HIPK2: variants seen among roughly 807,000 people sequenced by gnomAD.
The protein encoded by HIPK2 is homeodomain-interacting protein kinase 2.
A neutral mutation model predicts 113.7 loss-of-function variants in HIPK2; 27 were observed. That is an observed-to-expected ratio of 0.24 (90% CI 0.17 to 0.33). HIPK2 has a LOEUF of 0.33. Among genes scored for constraint, HIPK2 ranks in the 10% least tolerant of loss-of-function variants. The pLI is 1.00. For missense variants in HIPK2, 1,257 were observed against 1,588.0 expected (o/e 0.79, Z 3.54); for synonymous variants, 631 against 642.2 (o/e 0.98, Z 0.26).
chr7:139,721,112 C>T (rs1795394694), intron 1 of HIPK2, among the ~76,000 whole-genome samples: 1 of 152,356 alleles, frequency 6.6e-6, no homozygotes, highest in South Asian at 2.1e-4. Flanking sequence ...GTGGCCCCTG[C>T]TGCCCCTTTA....
At chr7:139,597,228 AG>A (rs1799254593) in intron 11 of HIPK2, among the ~76,000 whole-genome samples, 1 of 152,194 alleles carries the variant, frequency 6.6e-6, no homozygotes, top group Admixed American at 6.5e-5. Context: ...AGCAGGACAA[AG>A]GGAGCAGCCA....
At chr7:139,713,264 G>A (rs1795123827) in intron 2 of HIPK2, among the ~76,000 whole-genome samples, 1 of 152,132 alleles carries the variant, frequency 6.6e-6, no homozygotes, top group African/African-American at 2.4e-5. Flanking sequence ...CACAGAGGGG[G>A]GCAGGAGAGG....
At chr7:139,576,321 A>G (rs1191262963) in intron 13 of HIPK2, among the ~76,000 whole-genome samples, 1 of 152,226 alleles carries the variant, frequency 6.6e-6, no homozygotes, top group Non-Finnish European at 1.5e-5. Context: ...AGGTGGCTCC[A>G]TCAACAGTTC....
chr7:139,775,123 T>C (rs1023615671), intron 1 of HIPK2, among the ~76,000 whole-genome samples: 3 of 152,158 alleles, frequency 2.0e-5, no homozygotes, highest in African/African-American at 7.2e-5. Context: ...CTGAGAAGAA[T>C]CATGCACACT....
At position 139,630,816 on chromosome 7, in the gene HIPK2, C is replaced by A. The variant is rs753227865; in HGVS notation, c.1347+349G>T. ...TTGACCAGGAACAGGGCCCTTACTA[C>A]AGTGGGCGGGAGCTTGTGGCACATG... On this transcript the variant is annotated intron_variant, in intron 4 of 14. Coordinates refer to ENST00000406875, the MANE Select transcript of HIPK2 (RefSeq NM_022740.5). The surrounding 1 kb of genome is among the most constrained non-coding windows in gnomAD (Gnocchi z 4.0). Among the ~76,000 whole-genome samples the A allele has an allele frequency of 1.3e-5, 2 of 152,346 alleles. No homozygotes were observed. Among genetic ancestry groups the A allele is most frequent in the South Asian group, 4.1e-4 (2 of 4,826 alleles).
intron 2 of HIPK2, among the ~76,000 whole-genome samples, chr7:139,681,901 C>T (rs1395698930): frequency 3.9e-5 from 6 of 152,162 alleles, no homozygotes; most frequent in Non-Finnish European, 8.8e-5. Flanking sequence ...ACAGCATCTC[C>T]CCTGGTGCTG....
At chr7:139,655,610 A>G (rs899259462) in intron 2 of HIPK2, among the ~76,000 whole-genome samples, 10 of 152,168 alleles carry the variant, frequency 6.6e-5, no homozygotes, top group East Asian at 1.9e-4. Flanking sequence ...TAAGGTGGCA[A>G]TGCTTGTCCC....
chr7:139,593,787 G>C (rs144042805), intron 12 of HIPK2, among the ~76,000 whole-genome samples: 1 of 152,208 alleles, frequency 6.6e-6, no homozygotes, highest in African/African-American at 2.4e-5. Flanking sequence ...AATCAGGCTC[G>C]AGAACAAGGA....
intron 2 of HIPK2, among the ~76,000 whole-genome samples, chr7:139,695,349 T>C (rs1363138707): frequency 6.6e-6 from 1 of 152,158 alleles, no homozygotes; most frequent in Non-Finnish European, 1.5e-5. Flanking sequence ...GCACGACTAC[T>C]GTGTGGCCCG....
intron 2 of HIPK2, among the ~76,000 whole-genome samples, chr7:139,656,193 T>C (rs1029284244): frequency 6.6e-6 from 1 of 152,092 alleles, no homozygotes; most frequent in South Asian, 2.1e-4. Context: ...GGCAGATGCA[T>C]TCCCAGCCCC....
rs200945053 is a variant in HIPK2 at position 139,600,547 on chromosome 7, C to T, written c.2305G>A (p.Ala769Thr). 7 of 1,613,862 alleles carry T rather than the reference C, an allele frequency of 4.3e-6. No homozygotes were observed. The highest frequency in any genetic ancestry group is 2.2e-5 in the East Asian group (1 of 44,888). Residue 769 changes from alanine (A) to threonine (T), a missense_variant, in exon 11 of 15, where the codon GCA becomes ACA. Physicochemically the swap from Ala to Thr is moderately conservative, Grantham distance 58. This residue lies in a region of HIPK2 where 862 missense variants were observed against 1,004.3 expected (regional missense o/e 0.86). Transcript: ENST00000406875. ...SHYNPIMQQP[A>T]LLTGHVTLPA... ...AGGGTCACATGACCGGTCAATAGTG[C>T]AGGCTGCTGCATGATGGGATTATAA...
chr7:139,672,245 T>C (rs938470963), intron 2 of HIPK2, among the ~76,000 whole-genome samples: 1 of 152,240 alleles, frequency 6.6e-6, no homozygotes, highest in African/African-American at 2.4e-5. Context: ...ATAAGTAGAA[T>C]TGATTAGCTA....
Position 139,626,759 on chromosome 7 carries a change from C to G in HIPK2, c.1461G>C (p.Gly487=). ...CAGCCTTTTCTACCAACATGTCGCT[C>G]CCTTCCAAATCTGTCGTCATGTTCA... ...AQVNMTTDLE[G]SDMLVEKADR... Residue 487 remains glycine (G), a synonymous_variant, in exon 6 of 15, where the codon GGG becomes GGC. Coordinates refer to ENST00000406875, the MANE Select transcript of HIPK2 (RefSeq NM_022740.5). 1 of 1,614,006 alleles carries G rather than the reference C, an allele frequency of 6.2e-7. No homozygotes were observed. Among genetic ancestry groups the G allele is most frequent in the Non-Finnish European group, 8.5e-7 (1 of 1,179,898 alleles).
intron 2 of HIPK2, among the ~76,000 whole-genome samples, chr7:139,642,412 A>G (rs1007369957): frequency 1.3e-5 from 2 of 152,188 alleles, no homozygotes; most frequent in African/African-American, 4.8e-5. Context: ...GAGGTAAGAG[A>G]GAGCTGCACA....
At chr7:139,577,444 G>A (rs911758932) in intron 13 of HIPK2, among the ~76,000 whole-genome samples, 3 of 152,136 alleles carry the variant, frequency 2.0e-5, no homozygotes, top group Non-Finnish European at 4.4e-5. Flanking sequence ...GAGCCACCGC[G>A]CTGGGCCAAC....
At chr7:139,617,353 A>AC (rs1800091719) in intron 7 of HIPK2, among the ~76,000 whole-genome samples, 2 of 152,218 alleles carry the variant, frequency 1.3e-5, no homozygotes, top group South Asian at 4.1e-4. Flanking sequence ...GGTGTGCACC[A>AC]CTGTGCCTAG....
chr7:139,734,140 G>A (rs1795872660), intron 1 of HIPK2, among the ~76,000 whole-genome samples: 1 of 152,192 alleles, frequency 6.6e-6, no homozygotes, highest in African/African-American at 2.4e-5. Context: ...CAGAGCACAC[G>A]TTTTTAAAGA....
rs1798091308 is a variant in HIPK2 at position 139,566,359 on chromosome 7, C to T, written c.*6568G>A. The T allele has an allele frequency of 6.6e-6, 1 of 152,200 alleles. No individual in the cohort carries two copies. Among genetic ancestry groups the T allele is most frequent in the South Asian group, 2.1e-4 (1 of 4,816 alleles). 9.4% of individuals were successfully genotyped at this position (152,200 alleles called of 1,614,324 possible). On this transcript the variant is annotated 3_prime_UTR_variant, in exon 15 of 15. Coordinates refer to ENST00000406875, the MANE Select transcript of HIPK2 (RefSeq NM_022740.5). The surrounding 1 kb of genome is among the most constrained non-coding windows in gnomAD (Gnocchi z 4.1). ...GGCAGTTTCCTTGGCTGTAGGGGGACTAATATTGCCGATCTCACAGGGCTA... is the reference window on the plus strand; with the variant it reads ...GGCAGTTTCCTTGGCTGTAGGGGGATTAATATTGCCGATCTCACAGGGCTA...
chr7:139,651,147 A>G (rs1569464755), intron 2 of HIPK2, among the ~76,000 whole-genome samples: 1 of 152,164 alleles, frequency 6.6e-6, no homozygotes, highest in Non-Finnish European at 1.5e-5. Context: ...TACCCAACAC[A>G]TCACTAGGTC....
Sources: gnomAD v4.1 joint callset for allele counts (sites outside exome capture counted in the v4.1 genomes callset) on GRCh38, gnomAD v4.1.1 for gene constraint, gnomAD v4.1.1 regional missense constraint, Gnocchi (gnomAD v3.1) non-coding constraint, MANE v1.5 for transcripts, NCBI Gene and HGNC (gene_info 2026-07-23, HGNC 2026-07-21) for gene names.